The following SLC35D1 variants were observed in gnomAD, a reference collection of about 807,000 sequenced individuals.
SLC35D1 encodes the protein nucleotide sugar transporter SLC35D1.
In SLC35D1, 31 loss-of-function variants were observed where a neutral mutation model predicts 46.7. The ratio of observed to expected loss-of-function variants is 0.66; its 90% CI spans 0.50 to 0.90. SLC35D1 has a LOEUF of 0.90. SLC35D1 is among the 40% of genes least tolerant of loss of function. The pLI, the probability that SLC35D1 is intolerant of heterozygous loss-of-function variation, is 0.00. For synonymous variants in SLC35D1, 195 were observed against 164.6 expected, an observed-to-expected ratio of 1.18 and a Z score of -1.41; for missense variants, 397 against 426.2, an observed-to-expected ratio of 0.93 and a Z score of 0.60.
intron 10 of SLC35D1, among the ~76,000 whole-genome samples, chr1:67,011,525 C>A (rs1667565796): frequency 6.6e-6 from 1 of 152,198 alleles, no homozygotes; most frequent in Non-Finnish European, 1.5e-5. Context: ...CTCTGTCTCT[C>A]AAGTTGGAGT....
At chr1:67,052,376 C>T (rs1202969021) in intron 3 of SLC35D1, among the ~76,000 whole-genome samples, 3 of 152,048 alleles carry the variant, frequency 2.0e-5, no homozygotes, top group African/African-American at 7.2e-5. Flanking sequence ...TATTAGAGCC[C>T]ATGGCTCTAT....
At chr1:67,030,457 G>A (rs1667995281) in intron 8 of SLC35D1, among the ~76,000 whole-genome samples, 2 of 151,988 alleles carry the variant, frequency 1.3e-5, no homozygotes. Context: ...GTAAAAAGAG[G>A]AATAATAAGG....
chr1:67,010,459 G>T (rs972108855), intron 10 of SLC35D1, among the ~76,000 whole-genome samples: 1 of 152,156 alleles, frequency 6.6e-6, no homozygotes, highest in African/African-American at 2.4e-5. Flanking sequence ...GTCATCTCAA[G>T]ATATTATACC....
At chr1:67,023,013 C>A (rs899710874) in intron 8 of SLC35D1, among the ~76,000 whole-genome samples, 15 of 152,284 alleles carry the variant, frequency 9.9e-5, no homozygotes, top group African/African-American at 3.6e-4. Context: ...ATCAGTAATT[C>A]ATTCATTTTT....
intron 8 of SLC35D1, among the ~76,000 whole-genome samples, chr1:67,025,792 A>C (rs1256859666): frequency 6.6e-6 from 1 of 152,168 alleles, no homozygotes; most frequent in Non-Finnish European, 1.5e-5. Flanking sequence ...TTTATCCCCC[A>C]AGTACTTTAT....
rs368795641 is a variant in SLC35D1, at chr1:67,052,764, C to A, written c.324+7G>T. 5 of 1,613,754 alleles carry A rather than the reference C, an allele frequency of 3.1e-6. No individual in the cohort carries two copies. In the African/African-American group the frequency reaches 6.7e-5, roughly 22 times the overall value. Reference sequence around the variant, plus strand: ...CACAAAATAAAGTATCGCTTTTCTTCTTTTACCTTTCGAGGTACATTTCTG... The same window carrying A: ...CACAAAATAAAGTATCGCTTTTCTTATTTTACCTTTCGAGGTACATTTCTG... On this transcript the variant is annotated splice_region_variant and intron_variant, in intron 3 of 11. Transcript: ENST00000235345.
chr1:66,991,514 A>C, the SLC35D1 span, among the ~76,000 whole-genome samples: 1 of 152,186 alleles, frequency 6.6e-6, no homozygotes, highest in Non-Finnish European at 1.5e-5. Flanking sequence ...TGACAAACTT[A>C]GGAAGTGTTT....
the SLC35D1 span, chr1:66,982,014 A>G: frequency 7.9e-7 from 1 of 1,261,730 alleles, no homozygotes; most frequent in Non-Finnish European, 1.1e-6. Context: ...TTAAACTTCC[A>G]GAGCAGAAAG....
At position 67,047,616 on chromosome 1, in the gene SLC35D1, A is replaced by C. The variant is rs12044976; in HGVS notation, c.534-249T>G. 1.2e-4 allele frequency among the ~76,000 whole-genome samples: 19 copies of C among 152,354 alleles called. No individual in the cohort carries two copies. In the East Asian group the frequency reaches 3.1e-3, roughly 25 times the overall value. On this transcript the variant is annotated intron_variant, in intron 6 of 11. Coordinates refer to ENST00000235345, the MANE Select transcript of SLC35D1 (RefSeq NM_015139.3). ...TAGCAACGGTCATTCATGTCATTTA[A>C]TAGCACACCGCTCTGCATTCAAAGC...
chr1:67,015,281 A>G (rs1420412835), intron 10 of SLC35D1, among the ~76,000 whole-genome samples: 2 of 151,762 alleles, frequency 1.3e-5, no homozygotes, highest in Admixed American at 6.6e-5. Context: ...TTAAAAACGT[A>G]TAAAAATCTT....
chr1:66,983,799 C>T, the SLC35D1 span, among the ~76,000 whole-genome samples: 1 of 152,186 alleles, frequency 6.6e-6, no homozygotes, highest in Non-Finnish European at 1.5e-5. Flanking sequence ...ACAATCTCGG[C>T]TCACTGCAAC....
In SLC35D1 at chr1:67,002,490, T is replaced by A. The variant is rs1170804682; in HGVS notation, c.*1850A>T. ...CTTTCTCTGAGTTTTGTTTTCTCAT[T>A]GGTAAAATAGGGAGAGTAAGACCCA... On this transcript the variant is annotated 3_prime_UTR_variant, in exon 12 of 12. Transcript: ENST00000235345. 6.6e-6 allele frequency: 1 copy of A among 152,326 alleles called. No individual in the cohort carries two copies. The highest frequency in any genetic ancestry group is 1.5e-5 in the Non-Finnish European group (1 of 68,042). The allele number at this position is 152,326 out of a possible 1,614,324, so 9.4% of individuals were successfully genotyped here.
chr1:67,032,696 A>C (rs1229090660), intron 8 of SLC35D1, among the ~76,000 whole-genome samples: 1 of 152,066 alleles, frequency 6.6e-6, no homozygotes, highest in Non-Finnish European at 1.5e-5. Flanking sequence ...TAATAACAAT[A>C]ATCACCATCA....
rs532984010 is a variant in SLC35D1, at chr1:67,049,799, T to G, written c.516A>C (p.Gly172=). 153 of 1,613,678 alleles carry G rather than the reference T, an allele frequency of 9.5e-5. 1 individual carries two copies. In the South Asian group the frequency reaches 1.6e-3, roughly 17 times the overall value. Residue 172 remains glycine (G), a synonymous_variant, in exon 6 of 12, where the codon GGA becomes GGC. Transcript: ENST00000235345. ...IKMTVFAMII[G]AFVAASSDLA... Reference sequence around the variant, plus strand: ...CATCTTACCTGGCAGCTACAAAGGCTCCAATAATCATTGCAAATACAGTCA... The same window carrying G: ...CATCTTACCTGGCAGCTACAAAGGCGCCAATAATCATTGCAAATACAGTCA...
chr1:67,051,918 A>G, intron 4 of SLC35D1, 94 bp downstream of exon 4: 1 of 899,662 alleles, frequency 1.1e-6, no homozygotes, highest in Non-Finnish European at 1.8e-6. Flanking sequence ...ATTTTTTTCC[A>G]GAATCAATAA....
At chr1:67,042,432 A>C in intron 7 of SLC35D1, 104 bp from the exon 8 acceptor site, 2 of 918,134 alleles carry the variant, frequency 2.2e-6, no homozygotes, top group Non-Finnish European at 3.6e-6. Context: ...AAACACACAC[A>C]CCCTCCCCTA....
At chr1:66,978,514 T>TA in the SLC35D1 span, among the ~76,000 whole-genome samples, 4 of 152,212 alleles carry the variant, frequency 2.6e-5, no homozygotes, top group Non-Finnish European at 4.4e-5. Flanking sequence ...AATTTATAGT[T>TA]AATTTTTTTT....
Position 67,052,939 on chromosome 1 carries a change from T to A in SLC35D1, c.237+17A>T. The A allele has an allele frequency of 6.2e-7, 1 of 1,613,972 alleles. No homozygotes were observed. The highest frequency in any genetic ancestry group is 8.5e-7 in the Non-Finnish European group (1 of 1,180,012). On this transcript the variant is annotated intron_variant, in intron 2 of 11. Coordinates refer to ENST00000235345, the MANE Select transcript of SLC35D1 (RefSeq NM_015139.3). ...TCTAACAACATAAACCACGTAATGGTGAGGATTCCAACTAACCTGGCCAAG... is the reference window on the plus strand; with the variant it reads ...TCTAACAACATAAACCACGTAATGGAGAGGATTCCAACTAACCTGGCCAAG...
At chr1:66,979,913 C>T in the SLC35D1 span, among the ~76,000 whole-genome samples, 13 of 151,848 alleles carry the variant, frequency 8.6e-5, no homozygotes, top group South Asian at 4.2e-4. Context: ...TACAGGCATG[C>T]GCCACCACAC....
Sources: gnomAD v4.1 joint callset for allele counts (sites outside exome capture counted in the v4.1 genomes callset) on GRCh38, gnomAD v4.1.1 for gene constraint, MANE v1.5 for transcripts, NCBI Gene and HGNC (gene_info 2026-07-23, HGNC 2026-07-21) for gene names.